GMCL1: variants seen among roughly 807,000 people sequenced by gnomAD.
The protein encoded by GMCL1 is germ cell-less 1, spermatogenesis associated, also known as germ cell-less protein-like 1.
Under a neutral mutation model 75.5 loss-of-function variants are expected in GMCL1, and 54 were observed. The observed-to-expected ratio is 0.71, with a 90% CI of 0.57 to 0.90. GMCL1 has a LOEUF of 0.90. Ranked by LOEUF, GMCL1 falls within the 40% of genes least tolerant of loss-of-function variation. GMCL1 has a pLI of 0.00. For synonymous variants in GMCL1, 210 were observed against 209.6 expected, an observed-to-expected ratio of 1.00 and a Z score of -0.02; for missense variants, 537 against 622.7, an observed-to-expected ratio of 0.86 and a Z score of 1.47.
chr2:69,837,483 T>C (rs943542142), intron 1 of GMCL1, 64 bp from the exon 2 acceptor site: 2 of 1,210,082 alleles, frequency 1.7e-6, no homozygotes, highest in South Asian at 1.5e-5. Flanking sequence ...TTTAGAAATA[T>C]ATGCAAAATC....
intron 13 of GMCL1, among the ~76,000 whole-genome samples, chr2:69,873,179 A>G (rs1218815343): frequency 2.6e-5 from 4 of 152,166 alleles, no homozygotes; most frequent in Non-Finnish European, 4.4e-5. Flanking sequence ...AAGTGAATGC[A>G]TACCTGAACC....
intron 9 of GMCL1, among the ~76,000 whole-genome samples, chr2:69,859,144 CAAAAAA>C (rs571712437): frequency 3.7e-4 from 23 of 62,664 alleles, no homozygotes; most frequent in African/African-American, 1.1e-3. Flanking sequence ...GACTCTGTCT[CAAAAAA>C]AAAAAAAAAA....
chr2:69,833,335 C>T (rs1674727818), intron 1 of GMCL1, among the ~76,000 whole-genome samples: 1 of 152,130 alleles, frequency 6.6e-6, no homozygotes, highest in African/African-American at 2.4e-5. Context: ...CTAAGACGGG[C>T]CAGGCGTGGT....
chr2:69,844,938 T>G (rs1675092789), intron 6 of GMCL1: 1 of 231,758 alleles, frequency 4.3e-6, no homozygotes, highest in Admixed American at 3.7e-5. Flanking sequence ...GGCCATGGTT[T>G]TAGACAAGCA....
intron 6 of GMCL1, among the ~76,000 whole-genome samples, chr2:69,847,039 T>C (rs935152303): frequency 2.7e-5 from 4 of 150,272 alleles, no homozygotes; most frequent in African/African-American, 4.9e-5. Flanking sequence ...GGTCTCACCA[T>C]GTTGTCCAGG....
At chr2:69,863,534 A>G (rs1481633341) in intron 10 of GMCL1, among the ~76,000 whole-genome samples, 1 of 152,224 alleles carries the variant, frequency 6.6e-6, no homozygotes, top group African/African-American at 2.4e-5. Flanking sequence ...CTACTTAAAT[A>G]TGTCCAGGGA....
At chr2:69,865,946 A>AT (rs1219683739) in intron 11 of GMCL1, among the ~76,000 whole-genome samples, 2 of 151,998 alleles carry the variant, frequency 1.3e-5, no homozygotes, top group East Asian at 1.9e-4. Context: ...TCTATTTAAT[A>AT]TTTTTTTAAA....
intron 7 of GMCL1, among the ~76,000 whole-genome samples, chr2:69,848,987 A>G (rs1434846848): frequency 3.3e-5 from 5 of 152,140 alleles, no homozygotes; most frequent in East Asian, 1.9e-4. Context: ...ATAATCTCAT[A>G]TAGTATTTAG....
chr2:69,835,188 A>G (rs1674782877), intron 1 of GMCL1, among the ~76,000 whole-genome samples: 2 of 152,104 alleles, frequency 1.3e-5, no homozygotes, highest in Non-Finnish European at 2.9e-5. Flanking sequence ...TGGACAAGCA[A>G]GGAAGGATCA....
intron 13 of GMCL1, among the ~76,000 whole-genome samples, chr2:69,877,986 T>C (rs949770967): frequency 6.6e-6 from 1 of 152,204 alleles, no homozygotes; most frequent in Non-Finnish European, 1.5e-5. Context: ...ATTTAAAACG[T>C]AGGAATTCTC....
At position 69,837,646 on chromosome 2, in the gene GMCL1, C is replaced by T. The variant is rs1674856781; in HGVS notation, c.360C>T (p.Ser120=). The part of the protein sequence containing the change: ...IKICALGEEW[S]LHKIYLCQSG... The stretch of plus-strand genomic sequence containing the variant: ...TTTGTGCTCTAGGAGAAGAATGGAG[C>T]TTACACAAAATATATTTATGTCAAG... Residue 120 remains serine (S), a synonymous_variant, in exon 2 of 14, where the codon AGC becomes AGT. Coordinates refer to ENST00000282570, the MANE Select transcript of GMCL1 (RefSeq NM_178439.5). 3 of 1,598,980 alleles carry T rather than the reference C, an allele frequency of 1.9e-6. No individual in the cohort carries two copies. In the Admixed American group the frequency reaches 5.4e-5, roughly 29 times the overall value.
chr2:69,870,609 T>A (rs1573373171), intron 12 of GMCL1, among the ~76,000 whole-genome samples: 1 of 152,258 alleles, frequency 6.6e-6, no homozygotes, highest in East Asian at 1.9e-4. Flanking sequence ...TAACGCTACA[T>A]TTGATAAGAC....
intron 10 of GMCL1, among the ~76,000 whole-genome samples, chr2:69,863,465 T>C (rs1454686660): frequency 2.0e-5 from 3 of 152,204 alleles, no homozygotes; most frequent in Non-Finnish European, 2.9e-5. Flanking sequence ...CATAAAACTC[T>C]TGTCTATGTT....
At chr2:69,844,456 G>A (rs1033089879) in intron 6 of GMCL1, 1 of 236,212 alleles carries the variant, frequency 4.2e-6, no homozygotes, top group Non-Finnish European at 8.1e-6. Flanking sequence ...AAAGTTTCAG[G>A]TTTTGCCAGG....
chr2:69,862,023 A>G (rs981729975), intron 10 of GMCL1, among the ~76,000 whole-genome samples: 2 of 152,146 alleles, frequency 1.3e-5, no homozygotes, highest in African/African-American at 2.4e-5. Flanking sequence ...AAACAAACAA[A>G]CAAACAAAAA....
intron 13 of GMCL1, among the ~76,000 whole-genome samples, chr2:69,874,311 T>G (rs1221485278): frequency 6.6e-6 from 1 of 152,172 alleles, no homozygotes; most frequent in East Asian, 1.9e-4. Context: ...CTTTTTCATC[T>G]CTATCCCAGC....
At chr2:69,861,073 C>T (rs1300108097) in intron 9 of GMCL1, among the ~76,000 whole-genome samples, 1 of 152,134 alleles carries the variant, frequency 6.6e-6, no homozygotes, top group East Asian at 1.9e-4. Flanking sequence ...GAACTCCTGA[C>T]CTCAGGTGAT....
At chr2:69,845,711 G>C (rs1327610156) in intron 6 of GMCL1, among the ~76,000 whole-genome samples, 1 of 152,202 alleles carries the variant, frequency 6.6e-6, no homozygotes, top group African/African-American at 2.4e-5. Flanking sequence ...ATGGTCTCTT[G>C]CTGTCAAAGA....
At chr2:69,878,285 T>G (rs1676181603) in intron 13 of GMCL1, among the ~76,000 whole-genome samples, 1 of 152,288 alleles carries the variant, frequency 6.6e-6, no homozygotes, top group Non-Finnish European at 1.5e-5. Context: ...TTGATGATGA[T>G]AATGACTCCC....
Sources: gnomAD v4.1 joint callset for allele counts (sites outside exome capture counted in the v4.1 genomes callset) on GRCh38, gnomAD v4.1.1 for gene constraint, MANE v1.5 for transcripts, NCBI Gene and HGNC (gene_info 2026-07-23, HGNC 2026-07-21) for gene names.